The following DLD variants were observed in gnomAD, a reference collection of about 807,000 sequenced individuals.
DLD encodes dihydrolipoyl dehydrogenase, mitochondrial.
A neutral mutation model predicts 62.2 loss-of-function variants in DLD; 36 were observed. The observed-to-expected ratio is 0.58, with a 90% confidence interval of 0.44 to 0.76. The LOEUF (loss-of-function observed/expected upper bound fraction) is 0.76, where lower values mean the gene tolerates loss of function less well. Ranked by LOEUF, DLD falls within the 30% of genes least tolerant of loss-of-function variation. The probability of loss-of-function intolerance (pLI) is 0.00; values close to 1 mark genes in which losing one functional copy is unlikely to be tolerated. For missense variants in DLD, 541 were observed against 608.6 expected (o/e 0.89, Z 1.17); for synonymous variants, 204 against 199.6 (o/e 1.02, Z -0.19).
chr7:107,905,051 A>T lies in DLD; in HGVS notation c.431A>T (p.Gln144Leu). ...GGTGGAATTGCCCACTTATTCAAAC[A>T]GAATAAGGTCAGTGTTTAATATTCA... is the stretch of plus-strand genomic sequence containing the variant. ...LTGGIAHLFK[Q>L]NKVVHVNGYG... Residue 144 changes from glutamine (Q) to leucine (L), a missense_variant, in exon 6 of 14, where the codon CAG becomes CTG. Coordinates refer to ENST00000205402, the MANE Select transcript of DLD (RefSeq NM_000108.5). 6.3e-7 allele frequency: 1 copy of T among 1,593,978 alleles called. No homozygotes were observed. Among genetic ancestry groups the T allele is most frequent in the South Asian group, 1.1e-5 (1 of 90,586 alleles).
chr7:107,905,431 G>A lies in DLD; in HGVS notation c.509G>A (p.Gly170Asp). Residue 170 changes from glycine to aspartate, a missense_variant, in exon 7 of 14, where the codon GGC (glycine) becomes GAC (aspartate). Transcript: ENST00000205402. The stretch of plus-strand genomic sequence containing the variant: ...GTCACTGCTACGAAAGCTGATGGCG[G>A]CACTCAGGTTATTGATACAAAGAAC... ...NQVTATKADGGTQVIDTKNIL... is the reference protein window; with the variant it reads ...NQVTATKADGDTQVIDTKNIL... 1 of 1,613,640 alleles carries A rather than the reference G, an allele frequency of 6.2e-7. No homozygotes were observed. Among genetic ancestry groups the A allele is most frequent in the Non-Finnish European group, 8.5e-7 (1 of 1,179,610 alleles).
chr7:107,916,034 C>G (rs1277842083), intron 9 of DLD, among the ~76,000 whole-genome samples: 1 of 152,070 alleles, frequency 6.6e-6, no homozygotes, highest in Non-Finnish European at 1.5e-5. Flanking sequence ...ATGTCTGGTA[C>G]TCTACTGATT....
At chr7:107,896,138 G>A (rs1351748630) in intron 2 of DLD, among the ~76,000 whole-genome samples, 2 of 152,224 alleles carry the variant, frequency 1.3e-5, no homozygotes, top group East Asian at 3.8e-4. Flanking sequence ...TTTGGATGCT[G>A]TACTTAGGAA....
At chr7:107,897,025 G>A (rs899109187) in intron 2 of DLD, among the ~76,000 whole-genome samples, 1 of 151,988 alleles carries the variant, frequency 6.6e-6, no homozygotes, top group Non-Finnish European at 1.5e-5. Context: ...AGTAGAGATG[G>A]GGTTTCACCA....
chr7:107,898,533 G>T (rs530069065), intron 2 of DLD, among the ~76,000 whole-genome samples: 1 of 151,282 alleles, frequency 6.6e-6, no homozygotes, highest in African/African-American at 2.4e-5. Context: ...CACCTGCCTC[G>T]GCCTCCCAAA....
chr7:107,893,611 C>G (rs1031091486), intron 2 of DLD: 6 of 185,714 alleles, frequency 3.2e-5, no homozygotes, highest in African/African-American at 1.4e-4. Flanking sequence ...AAAGGCCTTT[C>G]TGAGGAGATG....
chr7:107,912,872 C>T (rs183636508), intron 8 of DLD, among the ~76,000 whole-genome samples: 126 of 152,176 alleles, frequency 8.3e-4, no homozygotes, highest in African/African-American at 2.9e-3. Flanking sequence ...AAGTCTTTGC[C>T]CAGACCAGTG....
At chr7:107,900,261 C>A (rs999451684) in intron 2 of DLD, among the ~76,000 whole-genome samples, 1 of 152,014 alleles carries the variant, frequency 6.6e-6, no homozygotes, top group Non-Finnish European at 1.5e-5. Context: ...TGATTCTGTT[C>A]AGGCCAGCAA....
intron 7 of DLD, 185 bp downstream of exon 7, chr7:107,905,689 T>A: frequency 1.6e-6 from 1 of 622,866 alleles, no homozygotes; most frequent in South Asian, 1.9e-5. Context: ...TAGAACACTT[T>A]ATATTAAGAT....
chr7:107,893,239 C>G lies in DLD; in HGVS notation c.79C>G (p.Leu27Val). 1 of 1,613,548 alleles carries G rather than the reference C, an allele frequency of 6.2e-7. No homozygotes were observed. The highest frequency in any genetic ancestry group is 8.5e-7 in the Non-Finnish European group (1 of 1,179,758). The change falls in exon 2 of 14, where the codon CTT becomes GTT. Residue 27 changes from leucine to valine, a missense_variant. Physicochemically the swap from Leu to Val is conservative, Grantham distance 32 (BLOSUM62 1). Transcript: ENST00000205402. Reference sequence around the variant, plus strand: ...TCGAATATCTCATGGCCTACAGGGACTTTCTGCAGTGCCTCTGAGAACTTA... The same window carrying G: ...TCGAATATCTCATGGCCTACAGGGAGTTTCTGCAGTGCCTCTGAGAACTTA... ...FNRISHGLQG[L>V]SAVPLRTYAD...
At position 107,891,248 on chromosome 7, in the gene DLD, A is replaced by C. The variant is rs1190738806; in HGVS notation, c.-3A>C. On this transcript the variant is annotated 5_prime_UTR_variant, in exon 1 of 14. Transcript: ENST00000205402. Reference sequence around the variant, plus strand: ...TTGGCGGAAAGGAAAATACAGCGGAAAAATGCAGAGCTGGAGTCGTGTGTA... The same window carrying C: ...TTGGCGGAAAGGAAAATACAGCGGACAAATGCAGAGCTGGAGTCGTGTGTA... 5 of 1,614,018 alleles carry C rather than the reference A, an allele frequency of 3.1e-6. No homozygotes were observed. In the African/African-American group the frequency reaches 6.7e-5, roughly 22 times the overall value.
chr7:107,896,251 T>C (rs2031720890), intron 2 of DLD, among the ~76,000 whole-genome samples: 1 of 152,154 alleles, frequency 6.6e-6, no homozygotes, highest in Non-Finnish European at 1.5e-5. Flanking sequence ...CTGGGTAGGC[T>C]AAAATGGAGG....
At chr7:107,896,824 C>CTGGTTT (rs1562910941) in intron 2 of DLD, among the ~76,000 whole-genome samples, 1 of 151,164 alleles carries the variant, frequency 6.6e-6, no homozygotes, top group African/African-American at 2.4e-5. Flanking sequence ...TTTTAAAAAT[C>CTGGTTT]TGGTTTTGTT....
chr7:107,920,941 A>G lies in DLD; in HGVS notation c.*1682A>G, dbSNP rs933840711. 2.0e-5 allele frequency: 3 copies of G among 152,354 alleles called. No homozygotes were observed. Among genetic ancestry groups the G allele is most frequent in the Admixed American group, 2.0e-4 (3 of 15,286 alleles). 9.4% of individuals were successfully genotyped at this position (152,354 alleles called of 1,614,324 possible). On this transcript the variant is annotated 3_prime_UTR_variant, in exon 14 of 14. Transcript: ENST00000205402. The stretch of plus-strand genomic sequence containing the variant: ...TCTGATATCTGTGTGCTACTTTGCC[A>G]TTATTGGAAGTGAACTCTGCATCTT...
At chr7:107,891,160 G>C (rs1264584168), upstream of DLD, 1 of 1,518,726 alleles carries the variant, frequency 6.6e-7, no homozygotes, top group African/African-American at 1.4e-5. Context: ...GGCTGCGCCT[G>C]TGCATGCGCA....
intron 3 of DLD, 39 bp from the exon 4 acceptor site, chr7:107,902,286 A>T: frequency 6.5e-7 from 1 of 1,537,432 alleles, no homozygotes; most frequent in Non-Finnish European, 9.0e-7. Flanking sequence ...TGAAACATTG[A>T]GGTTATGTGC....
chr7:107,918,933 T>C, intron 12 of DLD, 77 bp from the exon 13 acceptor site: 1 of 1,188,858 alleles, frequency 8.4e-7, no homozygotes, highest in Non-Finnish European at 1.3e-6. Flanking sequence ...TCTAAAAGCT[T>C]CCCCTCAACA....
intron 11 of DLD, 84 bp from the exon 12 acceptor site, chr7:107,917,840 T>C: frequency 6.4e-7 from 1 of 1,566,962 alleles, no homozygotes; most frequent in Non-Finnish European, 8.8e-7. Flanking sequence ...GGGATTTATT[T>C]TCTGAACAAA....
chr7:107,905,538 CT>C, intron 7 of DLD, 34 bp downstream of exon 7: 1 of 1,605,006 alleles, frequency 6.2e-7, no homozygotes, highest in Admixed American at 1.7e-5. Context: ...ACCATTACAA[CT>C]TTTCTTTAGA....
Sources: allele counts gnomAD v4.1 joint callset (sites outside exome capture counted in the v4.1 genomes callset), GRCh38; gene constraint gnomAD v4.1.1; transcripts MANE v1.5; gene names NCBI Gene and HGNC (gene_info 2026-07-23, HGNC 2026-07-21).